The following DMD variants were observed in gnomAD, a reference collection of about 807,000 sequenced individuals.
DMD encodes the protein mutant dystrophin.
In DMD, 63 loss-of-function variants were observed where a neutral mutation model predicts 330.1. The ratio of observed to expected loss-of-function variants is 0.19; its 90% CI spans 0.16 to 0.24. The LOEUF (loss-of-function observed/expected upper bound fraction) is 0.24, where lower values mean the gene tolerates loss of function less well. Among genes scored for constraint, DMD ranks in the 10% least tolerant of loss-of-function variants. The pLI, the probability that DMD is intolerant of heterozygous loss-of-function variation, is 1.00. For missense variants in DMD, 3,344 were observed against 2,684.1 expected (o/e 1.25, Z -5.43); for synonymous variants, 1,223 against 959.8 (o/e 1.27, Z -5.07).
At chrX:32,679,652 AG>A (rs1281452612) in intron 9 of DMD, among the ~76,000 whole-genome samples, 1 of 110,838 alleles carries the variant, frequency 9.0e-6, no homozygotes, top group Non-Finnish European at 1.9e-5. Context: ...GAAAAAGAAA[AG>A]GAACTGCCTT....
chrX:32,455,089 G>A (rs1158671445), intron 25 of DMD, among the ~76,000 whole-genome samples: 6 of 110,973 alleles, frequency 5.4e-5, no homozygotes. Flanking sequence ...TCAGCTGTTT[G>A]TGTGACAATG....
At chrX:31,168,546 C>T (rs764983960) in intron 74 of DMD, among the ~76,000 whole-genome samples, 49 of 111,522 alleles carry the variant, frequency 4.4e-4, no homozygotes, top group Admixed American at 4.0e-3. Context: ...GGCATACTCC[C>T]GAGGGCACTG....
chrX:33,161,746 C>T (rs2048784639), intron 1 of DMD, among the ~76,000 whole-genome samples: 1 of 111,735 alleles, frequency 8.9e-6, no homozygotes, highest in South Asian at 3.7e-4. Flanking sequence ...TTACCGTATA[C>T]CCCTTTTCAA....
intron 52 of DMD, among the ~76,000 whole-genome samples, chrX:31,690,190 G>A (rs1199953022): frequency 9.0e-6 from 1 of 111,656 alleles, no homozygotes; most frequent in African/African-American, 3.3e-5. Flanking sequence ...GCAGCCTACA[G>A]AATGGGAGAA....
intron 7 of DMD, among the ~76,000 whole-genome samples, chrX:32,725,015 T>G (rs2066717690): frequency 9.0e-6 from 1 of 111,670 alleles, no homozygotes; most frequent in Non-Finnish European, 1.9e-5. Flanking sequence ...GTACAACACC[T>G]TAGCCACAGA....
chrX:32,468,719 CA>C lies in DMD; in HGVS notation c.2950-10del. On this transcript the variant is annotated splice_polypyrimidine_tract_variant and intron_variant, in intron 22 of 78. Transcript: ENST00000357033. Reference sequence around the variant, plus strand: ...AGAGAACTTTGTAAAGCCTAAAAAACAATTTTTTAAATACATTTACCCTAAT... The same window carrying C: ...AGAGAACTTTGTAAAGCCTAAAAAACATTTTTTAAATACATTTACCCTAAT... The C allele has an allele frequency of 8.4e-7, 1 of 1,188,614 alleles. No homozygotes were observed. Among genetic ancestry groups the C allele is most frequent in the Non-Finnish European group, 1.1e-6 (1 of 875,959 alleles).
intron 62 of DMD, among the ~76,000 whole-genome samples, chrX:31,282,107 T>G (rs1466947953): frequency 8.9e-6 from 1 of 112,103 alleles, no homozygotes; most frequent in African/African-American, 3.2e-5. Context: ...CTAGTGCCTT[T>G]TAGTCATAAA....
At position 31,872,187 on chromosome X, in the gene DMD, G is replaced by A. The variant is rs142043526; in HGVS notation, c.7098+3001C>T. Among the ~76,000 whole-genome samples the A allele has an allele frequency of 7.7e-3, 850 of 109,827 alleles. 4 individuals carry two copies. The highest frequency in any genetic ancestry group is 0.017 in the South Asian group (42 of 2,538). Reference sequence around the variant, plus strand: ...ATAAGAAACTCGGAATGTGCTCAGAGGACTGAAGCCAAGGAGTTTTCTGCC... The same window carrying A: ...ATAAGAAACTCGGAATGTGCTCAGAAGACTGAAGCCAAGGAGTTTTCTGCC... On this transcript the variant is annotated intron_variant, in intron 48 of 78. Transcript: ENST00000357033.
At chrX:33,036,628 C>G (rs2094208088) in intron 1 of DMD, among the ~76,000 whole-genome samples, 1 of 111,144 alleles carries the variant, frequency 9.0e-6, no homozygotes, top group African/African-American at 3.3e-5. Context: ...TACATATTTT[C>G]AAATTACTTC....
chrX:32,335,500 T>C (rs1489988774), intron 41 of DMD, among the ~76,000 whole-genome samples: 1 of 70,941 alleles, frequency 1.4e-5, no homozygotes, highest in Non-Finnish European at 3.0e-5. Flanking sequence ...TATATACATG[T>C]TATATATATA....
At chrX:32,092,643 A>G (rs949273723) in intron 44 of DMD, among the ~76,000 whole-genome samples, 1 of 109,408 alleles carries the variant, frequency 9.1e-6, no homozygotes, top group Admixed American at 9.9e-5. Flanking sequence ...TAATATATCA[A>G]TACAATACCT....
intron 57 of DMD, among the ~76,000 whole-genome samples, chrX:31,488,528 C>T (rs1423329043): frequency 9.0e-6 from 1 of 111,627 alleles, no homozygotes; most frequent in Non-Finnish European, 1.9e-5. Flanking sequence ...GTGATCATTC[C>T]CAAGTCTTTC....
At chrX:31,133,933 C>G (rs1227290827) in intron 77 of DMD, among the ~76,000 whole-genome samples, 169 bp downstream of exon 77, 1 of 112,352 alleles carries the variant, frequency 8.9e-6, no homozygotes, top group East Asian at 2.8e-4. Flanking sequence ...TCAGAGTACT[C>G]TAAACCACAA....
intron 3 of DMD, among the ~76,000 whole-genome samples, chrX:32,848,441 C>T (rs2080868058): frequency 9.0e-6 from 1 of 111,448 alleles, no homozygotes; most frequent in Non-Finnish European, 1.9e-5. Context: ...CAAATTGGCG[C>T]CCAGCAAACA....
intron 50 of DMD, among the ~76,000 whole-genome samples, chrX:31,806,625 C>T (rs944407539): frequency 1.8e-5 from 2 of 112,355 alleles, no homozygotes; most frequent in Non-Finnish European, 3.8e-5. Context: ...AGTGTGCATC[C>T]CTTGGTATGG....
chrX:31,478,317 T>C lies in DMD; in HGVS notation c.8726A>G (p.Glu2909Gly). The C allele has an allele frequency of 8.3e-7, 1 of 1,211,749 alleles. No homozygotes were observed. The highest frequency in any genetic ancestry group is 1.1e-6 in the Non-Finnish European group (1 of 895,516). Residue 2909 changes from glutamate to glycine, a missense_variant, in exon 59 of 79, where the codon GAG becomes GGG. Glu to Gly is a moderately conservative substitution (Grantham distance 98). Transcript: ENST00000357033. The stretch of plus-strand genomic sequence containing the variant: ...TTTTTCCCACTCAGTATTGACCTCC[T>C]CAGCCTGCTTTCGTAGAAGCCGAGT... ...NVTRLLRKQAEEVNTEWEKLN... is the reference protein window; with the variant it reads ...NVTRLLRKQAGEVNTEWEKLN...
At chrX:31,195,789 A>G (rs1341224071) in intron 67 of DMD, among the ~76,000 whole-genome samples, 1 of 107,007 alleles carries the variant, frequency 9.3e-6, no homozygotes, top group Non-Finnish European at 1.9e-5. Context: ...AGAAAGAAAG[A>G]AAGGAAAGGA....
chrX:32,987,583 T>A (rs1446457821), intron 2 of DMD, among the ~76,000 whole-genome samples: 1 of 111,414 alleles, frequency 9.0e-6, no homozygotes, highest in Non-Finnish European at 1.9e-5. Flanking sequence ...ACAACAATAG[T>A]GCCTCTGTCA....
At position 31,182,833 on chromosome X, in the gene DMD, C is replaced by T. The variant is rs970320801; in HGVS notation, c.9879G>A (p.Val3293=). The T allele has an allele frequency of 3.3e-6, 4 of 1,206,613 alleles. No individual in the cohort carries two copies. The highest frequency in any genetic ancestry group is 4.5e-6 in the Non-Finnish European group (4 of 894,213). ...CCACTCTGTGCAGGACGGGCAGCCA[C>T]ACCATGGACTGGGGTTCCAGTCTCA... ...DWMRLEPQSM[V]WLPVLHRVAA... Residue 3293 remains valine, a synonymous_variant, in exon 68 of 79, where the codon GTG becomes GTA. Coordinates refer to ENST00000357033, the MANE Select transcript of DMD (RefSeq NM_004006.3).
Sources: gnomAD v4.1 joint callset for allele counts (sites outside exome capture counted in the v4.1 genomes callset) on GRCh38, gnomAD v4.1.1 for gene constraint, MANE v1.5 for transcripts, NCBI Gene and HGNC (gene_info 2026-07-23, HGNC 2026-07-21) for gene names.